ANO2: variants seen among roughly 807,000 people sequenced by gnomAD.
ANO2 encodes anoctamin-2.
In ANO2, 101 loss-of-function variants were observed where a neutral mutation model predicts 124.2. The ratio of observed to expected loss-of-function variants is 0.81; its 90% CI spans 0.69 to 0.96. The LOEUF (loss-of-function observed/expected upper bound fraction) is 0.96, where lower values mean the gene tolerates loss of function less well. Ranked by LOEUF, ANO2 falls within the 40% of genes least tolerant of loss-of-function variation. ANO2 has a pLI of 0.00. For synonymous variants in ANO2, 486 were observed against 482.5 expected (o/e 1.01, Z -0.09); for missense variants, 1,293 against 1,274.5 (o/e 1.01, Z -0.22).
rs759311879 is a variant in ANO2 at position 5,862,607 on chromosome 12, T to C, written c.535-8466A>G. ...GAGACTGAGGAGTCCAACCCTCTGA[T>C]AGGGTCTGACTCTGTCCCTGCCCAA... On this transcript the variant is annotated intron_variant, in intron 3 of 24. Coordinates refer to ENST00000682330, the MANE Select transcript of ANO2 (RefSeq NM_001364791.2). The surrounding 1 kb of genome is among the most constrained non-coding windows in gnomAD (Gnocchi z 4.0). Among the ~76,000 whole-genome samples the C allele has an allele frequency of 3.3e-5, 5 of 152,102 alleles. No homozygotes were observed. Among genetic ancestry groups the C allele is most frequent in the Non-Finnish European group, 5.9e-5 (4 of 68,018 alleles).
intron 7 of ANO2, among the ~76,000 whole-genome samples, chr12:5,817,008 C>T (rs984990926): frequency 2.6e-5 from 4 of 152,140 alleles, no homozygotes; most frequent in Non-Finnish European, 4.4e-5. Flanking sequence ...ATAAATACAA[C>T]TCAAAAACAA....
chr12:5,805,235 A>T (rs1315641242), intron 9 of ANO2, among the ~76,000 whole-genome samples: 2 of 152,190 alleles, frequency 1.3e-5, no homozygotes, highest in Non-Finnish European at 2.9e-5. Context: ...CCTGCTCAAA[A>T]GGCAACTTGG....
chr12:5,563,611 G>C (rs766806181), intron 24 of ANO2, 43 bp from the exon 25 acceptor site: 82 of 1,604,154 alleles, frequency 5.1e-5, no homozygotes, highest in Non-Finnish European at 6.5e-5. Context: ...GGAGAGGCCC[G>C]GCCTGGGGAG....
Position 5,563,291 on chromosome 12 carries a change from T to C in ANO2, c.*8A>G, listed in dbSNP as rs1214594550. On this transcript the variant is annotated 3_prime_UTR_variant, in exon 25 of 25. Coordinates refer to ENST00000682330, the MANE Select transcript of ANO2 (RefSeq NM_001364791.2). ...TGCCGTGCCCTCCTCTGCTGCAGGC[T>C]GAACTGCTCACACATTGGTGTGCTG... 8 of 1,593,660 alleles carry C rather than the reference T, an allele frequency of 5.0e-6. No individual in the cohort carries two copies. The highest frequency in any genetic ancestry group is 6.8e-6 in the Non-Finnish European group (8 of 1,174,634).
intron 3 of ANO2, among the ~76,000 whole-genome samples, chr12:5,881,339 C>T (rs1938485367): frequency 6.6e-6 from 1 of 152,182 alleles, no homozygotes; most frequent in African/African-American, 2.4e-5. Context: ...ACCCTACCAC[C>T]TCTTGCCTTC....
At chr12:5,600,994 C>G (rs1415293694) in intron 19 of ANO2, among the ~76,000 whole-genome samples, 1 of 152,136 alleles carries the variant, frequency 6.6e-6, no homozygotes, top group African/African-American at 2.4e-5. Context: ...AGTTTCTGGT[C>G]TAATATTCCT....
chr12:5,717,559 C>T (rs1219094694), intron 14 of ANO2, among the ~76,000 whole-genome samples: 2 of 152,204 alleles, frequency 1.3e-5, no homozygotes, highest in Non-Finnish European at 2.9e-5. Flanking sequence ...ACGTAAGTAA[C>T]TTAACATCCT....
At chr12:5,594,280 T>C (rs1943552322) in intron 20 of ANO2, among the ~76,000 whole-genome samples, 1 of 152,168 alleles carries the variant, frequency 6.6e-6, no homozygotes, top group Non-Finnish European at 1.5e-5. Flanking sequence ...GCTTAATAAA[T>C]GTTTGATGAA....
intron 20 of ANO2, among the ~76,000 whole-genome samples, chr12:5,583,478 C>T (rs1565437816): frequency 6.6e-6 from 1 of 151,366 alleles, no homozygotes; most frequent in Non-Finnish European, 1.5e-5. Flanking sequence ...ACGGTGAAAC[C>T]CCGTCTCTAC....
At chr12:5,598,680 T>C (rs1015416494) in intron 20 of ANO2, among the ~76,000 whole-genome samples, 1 of 152,174 alleles carries the variant, frequency 6.6e-6, no homozygotes, top group African/African-American at 2.4e-5. Flanking sequence ...TGATCTTTGG[T>C]ATCCTATGCT....
At chr12:5,828,994 G>A (rs1954071357) in intron 6 of ANO2, among the ~76,000 whole-genome samples, 1 of 152,238 alleles carries the variant, frequency 6.6e-6, no homozygotes, top group African/African-American at 2.4e-5. Context: ...TCAATGTGGG[G>A]TGGACTGAGG....
intron 16 of ANO2, among the ~76,000 whole-genome samples, chr12:5,621,479 CG>C (rs1193546395): frequency 6.6e-6 from 1 of 151,970 alleles, no homozygotes; most frequent in African/African-American, 2.4e-5. Flanking sequence ...ACATAAGAGG[CG>C]GGGGTGCTGG....
At chr12:5,888,944 G>T (rs966638109) in intron 3 of ANO2, among the ~76,000 whole-genome samples, 1 of 152,220 alleles carries the variant, frequency 6.6e-6, no homozygotes, top group African/African-American at 2.4e-5. Flanking sequence ...CTTGGAGCAG[G>T]GAGCTGTGCT....
At chr12:5,773,840 C>T (rs182288374) in intron 10 of ANO2, among the ~76,000 whole-genome samples, 2 of 152,326 alleles carry the variant, frequency 1.3e-5, no homozygotes, top group Admixed American at 1.3e-4. Flanking sequence ...GTTCAGTGCA[C>T]AACCTGCACA....
At chr12:5,778,420 A>G (rs1952291587) in intron 10 of ANO2, among the ~76,000 whole-genome samples, 1 of 152,204 alleles carries the variant, frequency 6.6e-6, no homozygotes, top group Non-Finnish European at 1.5e-5. Flanking sequence ...AAAGTGTCAC[A>G]TTATTTTACA....
intron 14 of ANO2, among the ~76,000 whole-genome samples, chr12:5,703,236 C>T (rs1949474614): frequency 6.6e-6 from 1 of 152,038 alleles, no homozygotes; most frequent in Non-Finnish European, 1.5e-5. Context: ...GAGCAAAATG[C>T]TAAATAATAT....
chr12:5,828,954 G>GA lies in ANO2; in HGVS notation c.841-1135dup, dbSNP rs1954070306. On this transcript the variant is annotated intron_variant, in intron 6 of 24. Transcript: ENST00000682330. ...AAGTCCAGGGCAGAATAGACCCCAG[G>GA]AAAAAACTCAAGGCTCTTTTCCCCT... Among the ~76,000 whole-genome samples the GA allele has an allele frequency of 7.2e-5, 11 of 152,334 alleles. No individual in the cohort carries two copies. The South Asian group carries it at 2.3e-3, about 32-fold the overall frequency.
At chr12:5,669,581 G>A (rs1239830063) in intron 14 of ANO2, among the ~76,000 whole-genome samples, 1 of 152,138 alleles carries the variant, frequency 6.6e-6, no homozygotes, top group Non-Finnish European at 1.5e-5. Context: ...TGTTGAATAG[G>A]AGCGGTGAAA....
In ANO2 at chr12:5,905,253, TGTGGAATGTCA is replaced by T. The variant is rs1431063037; in HGVS notation, c.534+15776_534+15786del. Among the ~76,000 whole-genome samples, 954 of 152,170 alleles carry T rather than the reference TGTGGAATGTCA, an allele frequency of 6.3e-3. 16 individuals are homozygous for T. The highest frequency in any genetic ancestry group is 0.022 in the African/African-American group (911 of 41,508). On this transcript the variant is annotated intron_variant, in intron 3 of 24. Coordinates refer to ENST00000682330, the MANE Select transcript of ANO2 (RefSeq NM_001364791.2). ...CCTGGGGCTCTGGCAGGGAGGACGG[TGTGGAATGTCA>T]GCTCCCCCATCACCCTGGGGGCAGT...
Sources: gnomAD v4.1 joint callset for allele counts (sites outside exome capture counted in the v4.1 genomes callset) on GRCh38, gnomAD v4.1.1 for gene constraint, Gnocchi (gnomAD v3.1) non-coding constraint, MANE v1.5 for transcripts, NCBI Gene and HGNC (gene_info 2026-07-23, HGNC 2026-07-21) for gene names.